The following MAP4K4 variants were observed in gnomAD, a reference collection of about 807,000 sequenced individuals.
MAP4K4 encodes the protein HPK/GCK-like kinase HGK.
Under a neutral mutation model 189.6 loss-of-function variants are expected in MAP4K4, and 38 were observed. The observed-to-expected ratio is 0.20, with a 90% CI of 0.15 to 0.26. The LOEUF is 0.26. MAP4K4 is among the 10% of genes least tolerant of loss of function. MAP4K4 has a pLI of 1.00. For synonymous variants in MAP4K4, 610 were observed against 624.3 expected (o/e 0.98, Z 0.34); for missense variants, 1,054 against 1,726.9 (o/e 0.61, Z 6.91).
intron 2 of MAP4K4, among the ~76,000 whole-genome samples, chr2:101,775,871 C>CA (rs2083820615): frequency 6.6e-6 from 1 of 152,194 alleles, no homozygotes; most frequent in African/African-American, 2.4e-5. Flanking sequence ...TGTGGTCACT[C>CA]ACTGTGGGTC....
intron 19 of MAP4K4, among the ~76,000 whole-genome samples, chr2:101,866,917 T>G (rs2097834040): frequency 6.6e-6 from 1 of 151,542 alleles, no homozygotes; most frequent in South Asian, 2.1e-4. Context: ...GTTATTTTAA[T>G]GTACTCATAA....
rs2050040579 is a variant in MAP4K4 at position 101,718,790 on chromosome 2, C to G, written c.123+20252C>G. On this transcript the variant is annotated intron_variant, in intron 2 of 32. Coordinates refer to ENST00000324219, the Ensembl canonical transcript of MAP4K4. The stretch of plus-strand genomic sequence containing the variant: ...TTGGGAGCTTGTGAAAATGCAGATT[C>G]TGATTTCAGTGCATCTGGGAATCTG... 2.6e-5 allele frequency among the ~76,000 whole-genome samples: 4 copies of G among 152,150 alleles called. No homozygotes were observed. In the South Asian group the frequency reaches 8.3e-4, roughly 31 times the overall value.
At position 101,803,795 on chromosome 2, in the gene MAP4K4, C is replaced by A. The variant is rs998705352; in HGVS notation, c.180+13019C>A. 1.2e-4 allele frequency among the ~76,000 whole-genome samples: 19 copies of A among 152,102 alleles called. No homozygotes were observed. The East Asian group carries it at 1.7e-3, about 14-fold the overall frequency. ...GATTGTTTAATTAGAGAAACGGACC[C>A]CCCCTTCACTACCATTAGCATAATA... On this transcript the variant is annotated intron_variant, in intron 3 of 32. Transcript: ENST00000324219.
chr2:101,847,618 TAAAG>T (rs1370336689), intron 12 of MAP4K4, among the ~76,000 whole-genome samples: 1 of 152,168 alleles, frequency 6.6e-6, no homozygotes, highest in Non-Finnish European at 1.5e-5. Context: ...GACAGAAATT[TAAAG>T]AAAGAAAATA....
At chr2:101,706,633 A>G (rs191527793) in intron 2 of MAP4K4, among the ~76,000 whole-genome samples, 145 of 152,290 alleles carry the variant, frequency 9.5e-4, no homozygotes, top group African/African-American at 3.4e-3. Flanking sequence ...TATTGTTGCA[A>G]GATAACCTGT....
At chr2:101,763,522 G>T (rs143577080) in intron 2 of MAP4K4, among the ~76,000 whole-genome samples, 4 of 152,224 alleles carry the variant, frequency 2.6e-5, no homozygotes, top group African/African-American at 9.6e-5. Context: ...ATTTTTTATT[G>T]ATTAAAGAAT....
intron 2 of MAP4K4, among the ~76,000 whole-genome samples, chr2:101,705,735 G>A (rs2041989549): frequency 6.6e-6 from 1 of 152,180 alleles, no homozygotes; most frequent in Non-Finnish European, 1.5e-5. Context: ...ACCACACTTT[G>A]AGGAACACTG....
chr2:101,710,251 A>C (rs952162828), intron 2 of MAP4K4, among the ~76,000 whole-genome samples: 1 of 152,346 alleles, frequency 6.6e-6, no homozygotes, highest in South Asian at 2.1e-4. Flanking sequence ...CTAGGGCATG[A>C]CTCAGATTCT....
chr2:101,744,934 G>A (rs1388593554), intron 2 of MAP4K4, among the ~76,000 whole-genome samples: 2 of 152,168 alleles, frequency 1.3e-5, no homozygotes, highest in Non-Finnish European at 2.9e-5. Flanking sequence ...ATGGTGGGAA[G>A]AGTTCTAAGT....
intron 2 of MAP4K4, among the ~76,000 whole-genome samples, chr2:101,718,300 C>T (rs2049625312): frequency 6.6e-6 from 1 of 151,890 alleles, no homozygotes; most frequent in African/African-American, 2.4e-5. Flanking sequence ...CATGGTCCAC[C>T]ATCTCCTTTA....
chr2:101,804,059 G>A (rs552155019), intron 3 of MAP4K4, among the ~76,000 whole-genome samples: 3 of 152,240 alleles, frequency 2.0e-5, no homozygotes, highest in South Asian at 2.1e-4. Context: ...TGCTCCAAGG[G>A]CAGAAAATCC....
At chr2:101,840,027 A>AATTTTTAT in intron 10 of MAP4K4, 33 bp downstream of exon 10, 1 of 1,556,274 alleles carries the variant, frequency 6.4e-7, no homozygotes, top group Non-Finnish European at 8.6e-7. Flanking sequence ...CATCCTTTAA[A>AATTTTTAT]ATTTTTATGT....
intron 2 of MAP4K4, among the ~76,000 whole-genome samples, chr2:101,773,848 G>A (rs1558853319): frequency 1.3e-5 from 2 of 151,996 alleles, no homozygotes; most frequent in Non-Finnish European, 2.9e-5. Context: ...CTGTCTTTCC[G>A]TGCTTGGCTT....
chr2:101,751,178 A>G (rs1233724946), intron 2 of MAP4K4, among the ~76,000 whole-genome samples: 3 of 152,236 alleles, frequency 2.0e-5, no homozygotes, highest in Admixed American at 2.0e-4. Flanking sequence ...TTCAGTGTTC[A>G]ACAGTTGTAC....
chr2:101,823,328 G>A (rs73943795), intron 3 of MAP4K4, among the ~76,000 whole-genome samples: 2,446 of 152,222 alleles, frequency 0.016, 74 homozygotes, highest in African/African-American at 0.056. Flanking sequence ...GTGATGTTTT[G>A]TTACTGGGGC....
intron 3 of MAP4K4, among the ~76,000 whole-genome samples, chr2:101,803,263 GTATGTA>G (rs1277874734): frequency 5.7e-4 from 82 of 142,980 alleles, no homozygotes; most frequent in African/African-American, 2.1e-3. Context: ...GTGTGTGTGT[GTATGTA>G]TGTGTGTGTG....
intron 2 of MAP4K4, among the ~76,000 whole-genome samples, chr2:101,771,250 A>T (rs1278803793): frequency 6.6e-6 from 1 of 152,158 alleles, no homozygotes; most frequent in Non-Finnish European, 1.5e-5. Context: ...GCTGATGCTG[A>T]ATTGGGTGAG....
chr2:101,825,259 A>G (rs2096294607), intron 4 of MAP4K4, 60 bp from the exon 5 acceptor site: 1 of 1,031,364 alleles, frequency 9.7e-7, no homozygotes, highest in African/African-American at 1.6e-5. Context: ...TGGCGGTTAA[A>G]CTGGTTTTCC....
At chr2:101,887,752 C>T (rs2150318839) in intron 30 of MAP4K4, 26 bp from the exon 31 acceptor site, 1 of 1,585,876 alleles carries the variant, frequency 6.3e-7, no homozygotes, top group Non-Finnish European at 8.6e-7. Context: ...AGACGTTCTT[C>T]CCTGTACTTT....
Sources: gnomAD v4.1 joint callset for allele counts (sites outside exome capture counted in the v4.1 genomes callset) on GRCh38, gnomAD v4.1.1 for gene constraint, MANE v1.5 for transcripts, NCBI Gene and HGNC (gene_info 2026-07-23, HGNC 2026-07-21) for gene names.